The following UBXN7 variants were observed in gnomAD, a reference collection of about 807,000 sequenced individuals.
The protein encoded by UBXN7 is UBX domain protein 7.
UBXN7 carries 9 observed loss-of-function variants against 58.0 expected under a neutral mutation model. That is an observed-to-expected ratio of 0.16 (90% confidence interval 0.09 to 0.27). UBXN7 has a LOEUF of 0.27. Ranked by LOEUF, UBXN7 falls within the 10% of genes least tolerant of loss-of-function variation. The probability of loss-of-function intolerance (pLI) is 1.00; values close to 1 mark genes in which losing one functional copy is unlikely to be tolerated. For synonymous variants in UBXN7, 208 were observed against 205.0 expected (o/e 1.01, Z -0.12); for missense variants, 328 against 599.6 (o/e 0.55, Z 4.73).
intron 10 of UBXN7, 37 bp from the exon 11 acceptor site, chr3:196,356,883 A>G (rs1206800063): frequency 6.3e-7 from 1 of 1,585,112 alleles, no homozygotes; most frequent in South Asian, 1.2e-5. Flanking sequence ...CATTAGACGG[A>G]AAAAGAGGAA....
chr3:196,369,791 A>G (rs1027515608), intron 6 of UBXN7, among the ~76,000 whole-genome samples: 2 of 152,142 alleles, frequency 1.3e-5, no homozygotes, highest in African/African-American at 4.8e-5. Flanking sequence ...TCTGTCAACT[A>G]TGTCATTCAT....
intron 8 of UBXN7, among the ~76,000 whole-genome samples, chr3:196,363,325 C>A (rs1450053905): frequency 6.6e-6 from 1 of 151,490 alleles, no homozygotes; most frequent in African/African-American, 2.4e-5. Context: ...GCTGGTCTTG[C>A]ACTTCTGGAT....
rs142272327 is a variant in UBXN7, at chr3:196,349,893, G to A, written c.*6792C>T. On this transcript the variant is annotated 3_prime_UTR_variant, in exon 11 of 11. Coordinates refer to ENST00000296328, the MANE Select transcript of UBXN7 (RefSeq NM_015562.2). ...AAAAATATTACTTAGGTTTAGTCCA[G>A]CTTAGCTTGACTATTCTTCCCATTT... 160 of 152,304 alleles carry A rather than the reference G, an allele frequency of 1.1e-3. No individual in the cohort carries two copies. Among genetic ancestry groups the A allele is most frequent in the African/African-American group, 3.4e-3 (142 of 41,574 alleles). 9.4% of individuals were successfully genotyped at this position (152,304 alleles called of 1,614,324 possible).
At chr3:196,401,497 G>T (rs1056116111) in intron 3 of UBXN7, among the ~76,000 whole-genome samples, 1 of 150,720 alleles carries the variant, frequency 6.6e-6, no homozygotes. Flanking sequence ...GGCTATGTAT[G>T]TATTATCCTA....
chr3:196,400,746 GA>G (rs746942913), intron 3 of UBXN7: 1,262 of 326,306 alleles, frequency 3.9e-3, no homozygotes, highest in South Asian at 6.5e-3. Context: ...CAAAACAAAA[GA>G]AAAAAAAAAG....
chr3:196,409,368 AT>A (rs1201525587), intron 1 of UBXN7, among the ~76,000 whole-genome samples: 1 of 152,010 alleles, frequency 6.6e-6, no homozygotes, highest in Non-Finnish European at 1.5e-5. Context: ...AAAAAAATAA[AT>A]TTTCTACAGT....
At chr3:196,404,574 T>C (rs972248536) in intron 2 of UBXN7, among the ~76,000 whole-genome samples, 9 of 152,172 alleles carry the variant, frequency 5.9e-5, no homozygotes, top group African/African-American at 2.2e-4. Context: ...TGGTTTTCAT[T>C]CAGGTGTTCT....
intron 10 of UBXN7, 35 bp from the exon 11 acceptor site, chr3:196,356,881 G>A (rs761418567): frequency 9.5e-6 from 15 of 1,581,000 alleles, no homozygotes; most frequent in Admixed American, 4.1e-5. Flanking sequence ...GCCATTAGAC[G>A]GAAAAAGAGG....
chr3:196,401,274 AAT>A (rs780788392), intron 3 of UBXN7, among the ~76,000 whole-genome samples: 502 of 36,698 alleles, frequency 0.014, 5 homozygotes, highest in Middle Eastern at 0.025. Context: ...AAAAAAAAAA[AAT>A]ATATATATAT....
intron 1 of UBXN7, among the ~76,000 whole-genome samples, chr3:196,419,764 C>T (rs1316076728): frequency 6.6e-6 from 1 of 152,136 alleles, no homozygotes; most frequent in Non-Finnish European, 1.5e-5. Flanking sequence ...AAACGTCCTC[C>T]AAAAGACTAC....
At chr3:196,427,401 TCC>T (rs1468114366) in intron 1 of UBXN7, among the ~76,000 whole-genome samples, 6 of 152,156 alleles carry the variant, frequency 3.9e-5, no homozygotes, top group African/African-American at 1.2e-4. Context: ...CACTGCAACC[TCC>T]GTCTCCTGGG....
chr3:196,355,383 A>C lies in UBXN7; in HGVS notation c.*1302T>G, dbSNP rs1453751882. 6.6e-6 allele frequency: 1 copy of C among 152,194 alleles called. No homozygotes were observed. The highest frequency in any genetic ancestry group is 1.5e-5 in the Non-Finnish European group (1 of 68,036). The allele number at this position is 152,194 out of a possible 1,614,324, so 9.4% of individuals were successfully genotyped here. A position where few individuals can be genotyped will look rare whatever the true frequency, so the allele number is the denominator to read the frequency against. On this transcript the variant is annotated 3_prime_UTR_variant, in exon 11 of 11. Coordinates refer to ENST00000296328, the MANE Select transcript of UBXN7 (RefSeq NM_015562.2). ...AGATTCAAGATGGCCTCTTCTAAAA[A>C]CACTGAAGAAAGCTTTCACCAACTC...
chr3:196,399,457 G>A (rs191152271), intron 3 of UBXN7, among the ~76,000 whole-genome samples: 212 of 152,058 alleles, frequency 1.4e-3, no homozygotes, highest in African/African-American at 5.0e-3. Context: ...TTCTTTTATA[G>A]ACAGGGCCTC....
At chr3:196,367,947 T>C in intron 8 of UBXN7, 81 bp downstream of exon 8, 1 of 1,545,194 alleles carries the variant, frequency 6.5e-7, no homozygotes, top group South Asian at 1.3e-5. Flanking sequence ...ATCTTTACCA[T>C]CTTAACATCG....
intron 5 of UBXN7, among the ~76,000 whole-genome samples, chr3:196,385,716 G>T (rs1384098353): frequency 6.6e-6 from 1 of 151,202 alleles, no homozygotes; most frequent in African/African-American, 2.4e-5. Context: ...GAAGTGAGGA[G>T]CCCCTACGCC....
chr3:196,364,825 T>A (rs546674534), intron 8 of UBXN7, among the ~76,000 whole-genome samples: 2 of 151,862 alleles, frequency 1.3e-5, no homozygotes, highest in African/African-American at 4.8e-5. Flanking sequence ...GCCTCCCAAG[T>A]AGCTGGGATT....
intron 1 of UBXN7, among the ~76,000 whole-genome samples, chr3:196,417,123 C>T (rs950358160): frequency 2.0e-5 from 3 of 152,112 alleles, no homozygotes; most frequent in East Asian, 1.9e-4. Context: ...ACCATCCTGG[C>T]TAACACGGTG....
chr3:196,392,426 AC>A, intron 4 of UBXN7, among the ~76,000 whole-genome samples: 1 of 151,870 alleles, frequency 6.6e-6, no homozygotes, highest in South Asian at 2.1e-4. Flanking sequence ...AATAGCCTGA[AC>A]CCTGGAGGCA....
intron 6 of UBXN7, among the ~76,000 whole-genome samples, chr3:196,370,071 A>T (rs931028509): frequency 6.7e-6 from 1 of 148,726 alleles, no homozygotes; most frequent in Non-Finnish European, 1.5e-5. Flanking sequence ...CAGAGACTGC[A>T]GTGAGCTGAG....
Sources: allele counts gnomAD v4.1 joint callset (sites outside exome capture counted in the v4.1 genomes callset), GRCh38; gene constraint gnomAD v4.1.1; transcripts MANE v1.5; gene names NCBI Gene and HGNC (gene_info 2026-07-23, HGNC 2026-07-21).